FSTL5: variants seen among roughly 807,000 people sequenced by gnomAD.
The protein encoded by FSTL5 is follistatin-related protein 5.
Under a neutral mutation model 89.1 loss-of-function variants are expected in FSTL5, and 62 were observed. That is an observed-to-expected ratio of 0.70 (90% CI 0.57 to 0.86). The LOEUF is 0.86. Ranked by LOEUF, FSTL5 falls within the 40% of genes least tolerant of loss-of-function variation. FSTL5 has a pLI of 0.00. For synonymous variants in FSTL5, 383 were observed against 346.2 expected (o/e 1.11, Z -1.18); for missense variants, 1,057 against 1,001.6 (o/e 1.06, Z -0.75).
rs10006629 is a variant in FSTL5, at chr4:161,564,471, G to T, written c.1016-21778C>A. ...TTGCTAAAATATAACAATATTTGCT[G>T]AAATATATTAATTGATAACTAATAT... is the stretch of plus-strand genomic sequence containing the variant. On this transcript the variant is annotated intron_variant, in intron 8 of 15. Coordinates refer to ENST00000306100, the MANE Select transcript of FSTL5 (RefSeq NM_020116.5). Among the ~76,000 whole-genome samples the T allele has an allele frequency of 2.7e-5, 4 of 150,340 alleles. No individual in the cohort carries two copies. The East Asian group carries it at 7.8e-4, about 29-fold the overall frequency.
At chr4:162,091,869 G>A (rs2046332) in intron 2 of FSTL5, among the ~76,000 whole-genome samples, 115,256 of 151,098 alleles carry the variant, frequency 0.76, 44,787 homozygotes, top group Non-Finnish European at 0.84. Context: ...ATTTATATAG[G>A]GAGAGAAATT....
intron 3 of FSTL5, among the ~76,000 whole-genome samples, chr4:161,972,656 C>T (rs963273391): frequency 1.1e-4 from 17 of 152,252 alleles, no homozygotes; most frequent in Middle Eastern, 3.4e-3. Context: ...TTGCCGGTTG[C>T]AGTTTCAGAT....
chr4:161,464,951 A>G (rs1417936726), intron 13 of FSTL5, among the ~76,000 whole-genome samples: 1 of 152,126 alleles, frequency 6.6e-6, no homozygotes, highest in African/African-American at 2.4e-5. Flanking sequence ...AATTTCAAAA[A>G]TTTAATTTTC....
At chr4:161,565,760 C>G (rs1331625464) in intron 8 of FSTL5, among the ~76,000 whole-genome samples, 2 of 150,490 alleles carry the variant, frequency 1.3e-5, no homozygotes, top group African/African-American at 4.9e-5. Context: ...CACACACACA[C>G]ACACACACAC....
chr4:161,713,133 G>C (rs967823176), intron 6 of FSTL5, among the ~76,000 whole-genome samples: 3 of 152,124 alleles, frequency 2.0e-5, no homozygotes, highest in Admixed American at 6.6e-5. Context: ...TGGTAAGTCC[G>C]AGCTCTTCCT....
At chr4:161,710,862 A>T (rs1327562595) in intron 6 of FSTL5, among the ~76,000 whole-genome samples, 1 of 152,220 alleles carries the variant, frequency 6.6e-6, no homozygotes, top group Non-Finnish European at 1.5e-5. Flanking sequence ...ACACAAGTGG[A>T]TTAAATTACA....
At chr4:161,882,168 T>C (rs1442322353) in intron 4 of FSTL5, among the ~76,000 whole-genome samples, 6 of 152,146 alleles carry the variant, frequency 3.9e-5, no homozygotes, top group African/African-American at 1.4e-4. Flanking sequence ...TTATTTCCTC[T>C]TTCCTCCTAG....
intron 6 of FSTL5, among the ~76,000 whole-genome samples, chr4:161,706,152 C>T (rs1167823119): frequency 1.3e-5 from 2 of 150,650 alleles, no homozygotes; most frequent in African/African-American, 4.9e-5. Context: ...ATATATATCT[C>T]ATGTCACTGG....
Position 161,732,699 on chromosome 4 carries a change from T to G in FSTL5, c.727+26712A>C, listed in dbSNP as rs148672900. 3.9e-5 allele frequency among the ~76,000 whole-genome samples: 6 copies of G among 152,110 alleles called. No individual in the cohort carries two copies. In the South Asian group the frequency reaches 8.3e-4, roughly 21 times the overall value. On this transcript the variant is annotated intron_variant, in intron 6 of 15. Transcript: ENST00000306100. The stretch of plus-strand genomic sequence containing the variant: ...ATGTGAGGTAAGGATTAAAGTGTGT[T>G]TGTTTATTTTGTCTATGCATATTTA...
At chr4:161,482,701 G>A (rs1333468570) in intron 12 of FSTL5, among the ~76,000 whole-genome samples, 1 of 152,118 alleles carries the variant, frequency 6.6e-6, no homozygotes, top group Non-Finnish European at 1.5e-5. Context: ...ACCATCATAG[G>A]TGGTTTTCCT....
At chr4:161,789,173 C>G (rs1378346174) in intron 4 of FSTL5, among the ~76,000 whole-genome samples, 4 of 151,700 alleles carry the variant, frequency 2.6e-5, no homozygotes, top group African/African-American at 9.7e-5. Context: ...TCTTAAATTA[C>G]TTTTTTTTCC....
At chr4:161,391,102 A>G (rs913673248) in intron 15 of FSTL5, among the ~76,000 whole-genome samples, 4 of 152,196 alleles carry the variant, frequency 2.6e-5, no homozygotes, top group African/African-American at 9.6e-5. Context: ...ATAAAAACCA[A>G]CTGTGCTGCA....
intron 6 of FSTL5, among the ~76,000 whole-genome samples, chr4:161,755,194 A>C (rs897702531): frequency 1.3e-5 from 2 of 152,098 alleles, no homozygotes; most frequent in African/African-American, 4.8e-5. Context: ...ATTTATTTTA[A>C]ATATGTTAGT....
rs75266658 is a variant in FSTL5, at chr4:161,596,635, C to T, written c.895-9060G>A. ...AGGAATAACTACATCTCAGAATAAT[C>T]ACGGAAAAGGGGAACATTAATGAAA... On this transcript the variant is annotated intron_variant, in intron 7 of 15. Coordinates refer to ENST00000306100, the MANE Select transcript of FSTL5 (RefSeq NM_020116.5). Among the ~76,000 whole-genome samples, 1,206 of 152,138 alleles carry T rather than the reference C, an allele frequency of 7.9e-3. 17 individuals are homozygous for T. Among genetic ancestry groups the T allele is most frequent in the South Asian group, 0.048 (229 of 4,820 alleles).
chr4:161,576,949 T>C lies in FSTL5; in HGVS notation c.1015+10506A>G, dbSNP rs148260165. Among the ~76,000 whole-genome samples the C allele has an allele frequency of 1.6e-3, 237 of 152,334 alleles. 2 individuals are homozygous for C. Among genetic ancestry groups the C allele is most frequent in the African/African-American group, 5.4e-3 (226 of 41,586 alleles). On this transcript the variant is annotated intron_variant, in intron 8 of 15. Coordinates refer to ENST00000306100, the MANE Select transcript of FSTL5 (RefSeq NM_020116.5). ...TATGTGGTAGACCACAAATAGTCTT[T>C]TCTCCATACATAGTGACAAAATTAA...
rs1241225480 is a variant in FSTL5 at position 161,615,291 on chromosome 4, CTCAAA to C, written c.895-27721_895-27717del. Among the ~76,000 whole-genome samples the C allele has an allele frequency of 1.8e-3, 106 of 58,458 alleles. 1 individual carries two copies. The highest frequency in any genetic ancestry group is 5.2e-3 in the South Asian group (8 of 1,544). 38.4% of individuals were successfully genotyped at this position (58,458 alleles called of 152,430 possible). ...CCTGGGCAACAGAGGGAGACTCTGT[CTCAAA>C]AAAAAAAAAAAAAAAAAAAATTAGC... On this transcript the variant is annotated intron_variant, in intron 7 of 15. Transcript: ENST00000306100.
intron 3 of FSTL5, among the ~76,000 whole-genome samples, chr4:162,026,392 A>G (rs1314946172): frequency 7.9e-6 from 1 of 126,102 alleles, no homozygotes; most frequent in East Asian, 2.7e-4. Context: ...ACTGCAACCT[A>G]CTTCTCCTGG....
intron 2 of FSTL5, among the ~76,000 whole-genome samples, chr4:162,072,102 T>C (rs748684074): frequency 3.3e-5 from 5 of 151,776 alleles, no homozygotes; most frequent in Non-Finnish European, 5.9e-5. Context: ...TAATAGATAA[T>C]ATGCAGGAGT....
chr4:161,969,534 A>G (rs2111009145), intron 3 of FSTL5, among the ~76,000 whole-genome samples: 1 of 152,296 alleles, frequency 6.6e-6, no homozygotes, highest in South Asian at 2.1e-4. Flanking sequence ...AAGTTATCAC[A>G]TTTCCACCTG....
Sources: allele counts gnomAD v4.1 joint callset (sites outside exome capture counted in the v4.1 genomes callset), GRCh38; gene constraint gnomAD v4.1.1; transcripts MANE v1.5; gene names NCBI Gene and HGNC (gene_info 2026-07-23, HGNC 2026-07-21).